Variants in IGFBP2 observed in about 807,000 individuals in gnomAD.
IGFBP2 encodes the protein insulin like growth factor binding protein 2.
A neutral mutation model predicts 26.2 loss-of-function variants in IGFBP2; 12 were observed. That is an observed-to-expected ratio of 0.46 (90% CI 0.29 to 0.74). The LOEUF (loss-of-function observed/expected upper bound fraction) is 0.74, where lower values mean the gene tolerates loss of function less well. Ranked by LOEUF, IGFBP2 falls within the 30% of genes least tolerant of loss-of-function variation. IGFBP2 has a pLI of 0.09. For synonymous variants in IGFBP2, 189 were observed against 200.6 expected (o/e 0.94, Z 0.49); for missense variants, 328 against 441.2 (o/e 0.74, Z 2.30).
At chr2:216,637,039 C>CAA (rs35364535) in intron 1 of IGFBP2, among the ~76,000 whole-genome samples, 3 of 149,514 alleles carry the variant, frequency 2.0e-5, no homozygotes, top group East Asian at 2.0e-4. Context: ...AGTGCAGCTT[C>CAA]AAAAAAAAAG....
chr2:216,658,574 G>A (rs1436557668), intron 1 of IGFBP2, among the ~76,000 whole-genome samples: 1 of 151,626 alleles, frequency 6.6e-6, no homozygotes, highest in Non-Finnish European at 1.5e-5. Flanking sequence ...TTTTGAGGCA[G>A]TGTCTTGCTC....
chr2:216,638,901 AGT>A (rs1056044412), intron 1 of IGFBP2, among the ~76,000 whole-genome samples: 11 of 149,692 alleles, frequency 7.3e-5, no homozygotes, highest in Admixed American at 2.7e-4. Flanking sequence ...GGGGTTTCAC[AGT>A]GTTAGCCAGG....
Position 216,660,545 on chromosome 2 carries a change from C to T in IGFBP2, c.443-12C>T. ...TGGACCTGGAGCTTTTCTTCCCTTC[C>T]TCTCTTGGCAGACAATGGCGATGAC... On this transcript the variant is annotated splice_polypyrimidine_tract_variant and intron_variant, in intron 1 of 3. Transcript: ENST00000233809. 1.9e-6 allele frequency: 3 copies of T among 1,578,354 alleles called. No homozygotes were observed. Among genetic ancestry groups the T allele is most frequent in the East Asian group, 2.2e-5 (1 of 44,488 alleles).
chr2:216,634,547 A>G (rs548338399), intron 1 of IGFBP2, among the ~76,000 whole-genome samples: 37 of 152,292 alleles, frequency 2.4e-4, no homozygotes, highest in South Asian at 6.2e-4. Context: ...CACCACTACT[A>G]TTTCTCCATA....
chr2:216,660,865 A>C, intron 2 of IGFBP2, 79 bp downstream of exon 2: 1 of 1,104,172 alleles, frequency 9.1e-7, no homozygotes, highest in South Asian at 1.4e-5. Flanking sequence ...GCATCCTAAT[A>C]AGACCCTCAT....
rs759607655 is a variant in IGFBP2, at chr2:216,664,027, C to T, written c.901C>T (p.Arg301Trp). The T allele has an allele frequency of 3.1e-6, 5 of 1,614,024 alleles. No individual in the cohort carries two copies. The highest frequency in any genetic ancestry group is 4.2e-6 in the Non-Finnish European group (5 of 1,179,976). ...GKLIQGAPTI[R>W]GDPECHLFYN... ...GCTGATCCAGGGAGCCCCCACCATCCGGGGGGACCCCGAGTGTCATCTCTT... is the reference window on the plus strand; with the variant it reads ...GCTGATCCAGGGAGCCCCCACCATCTGGGGGGACCCCGAGTGTCATCTCTT... The change falls in exon 4 of 4, where the codon CGG becomes TGG. Residue 301 changes from arginine to tryptophan, a missense_variant. Coordinates refer to ENST00000233809, the MANE Select transcript of IGFBP2 (RefSeq NM_000597.3). This position sits in a 1 kb window ranked among gnomAD's most constrained non-coding sequence, Gnocchi z 4.6.
chr2:216,633,514 G>A lies in IGFBP2; in HGVS notation c.-10G>A, dbSNP rs1697425284. The A allele has an allele frequency of 1.7e-5, 13 of 763,910 alleles. No homozygotes were observed. Among genetic ancestry groups the A allele is most frequent in the Non-Finnish European group, 2.1e-5 (13 of 625,564 alleles). The allele number at this position is 763,910 out of a possible 1,614,324, so 47.3% of individuals were successfully genotyped here. ...CGCTCGCCCGCCGCGCCGCGCTGCC[G>A]ACCGCCAGCATGCTGCCGAGAGTGG... On this transcript the variant is annotated 5_prime_UTR_variant, in exon 1 of 4. Coordinates refer to ENST00000233809, the MANE Select transcript of IGFBP2 (RefSeq NM_000597.3).
chr2:216,651,097 G>GA (rs929865455), intron 1 of IGFBP2, among the ~76,000 whole-genome samples: 50 of 150,722 alleles, frequency 3.3e-4, no homozygotes, highest in South Asian at 4.2e-4. Flanking sequence ...CTGACCTTTT[G>GA]AAAAAAAAAG....
At chr2:216,649,592 G>C (rs1358893268) in intron 1 of IGFBP2, among the ~76,000 whole-genome samples, 2 of 152,382 alleles carry the variant, frequency 1.3e-5, no homozygotes, top group East Asian at 3.9e-4. Flanking sequence ...GTGGAAAGGA[G>C]TGAAAGCTGA....
intron 1 of IGFBP2, 112 bp from the exon 2 acceptor site, chr2:216,660,445 T>C: frequency 1.4e-6 from 1 of 723,634 alleles, no homozygotes; most frequent in South Asian, 1.9e-5. Context: ...CAGCACTCAT[T>C]AGCCGCGCGT....
intron 1 of IGFBP2, among the ~76,000 whole-genome samples, chr2:216,648,243 C>T (rs573070900): frequency 4.6e-5 from 7 of 152,232 alleles, no homozygotes; most frequent in Non-Finnish European, 8.8e-5. Flanking sequence ...ACTCAGCACC[C>T]TCTGGCAGCA....
intron 1 of IGFBP2, among the ~76,000 whole-genome samples, chr2:216,640,114 C>G (rs1053234489): frequency 6.6e-6 from 1 of 152,132 alleles, no homozygotes; most frequent in East Asian, 1.9e-4. Context: ...TTTCCTACTC[C>G]GGCTCAGCTA....
intron 1 of IGFBP2, among the ~76,000 whole-genome samples, chr2:216,646,698 G>A (rs1697715757): frequency 6.6e-6 from 1 of 152,218 alleles, no homozygotes; most frequent in African/African-American, 2.4e-5. Flanking sequence ...AAGAGAGCTT[G>A]TGCAGGGAAA....
chr2:216,658,767 G>C (rs1697971094), intron 1 of IGFBP2, among the ~76,000 whole-genome samples: 3 of 151,846 alleles, frequency 2.0e-5, no homozygotes, highest in Non-Finnish European at 4.4e-5. Flanking sequence ...GGCCAGGCTG[G>C]TCTTGAATTC....
At chr2:216,642,068 C>T (rs1182551145) in intron 1 of IGFBP2, among the ~76,000 whole-genome samples, 3 of 150,124 alleles carry the variant, frequency 2.0e-5, no homozygotes, top group East Asian at 2.0e-4. Context: ...GGCACGATCT[C>T]GGCTCACTGC....
rs1442504938 is a variant in IGFBP2 at position 216,633,973 on chromosome 2, G to T, written c.442+8G>T. On this transcript the variant is annotated splice_region_variant and intron_variant, in intron 1 of 3. Coordinates refer to ENST00000233809, the MANE Select transcript of IGFBP2 (RefSeq NM_000597.3). ...GCCCGGAGCAGGTTGCAGGTAACGCGGTCTGGAACAAGTAGTTGGGAGAAA... is the reference window on the plus strand; with the variant it reads ...GCCCGGAGCAGGTTGCAGGTAACGCTGTCTGGAACAAGTAGTTGGGAGAAA... 2 of 1,592,200 alleles carry T rather than the reference G, an allele frequency of 1.3e-6. No individual in the cohort carries two copies. Among genetic ancestry groups the T allele is most frequent in the East Asian group, 4.6e-5 (2 of 43,840 alleles).
chr2:216,650,424 C>T (rs767085188), intron 1 of IGFBP2, among the ~76,000 whole-genome samples: 4 of 152,190 alleles, frequency 2.6e-5, no homozygotes, highest in Non-Finnish European at 5.9e-5. Flanking sequence ...GGCTTCGAAC[C>T]CAAAAGCTGG....
At chr2:216,634,729 G>C (rs188334780) in intron 1 of IGFBP2, among the ~76,000 whole-genome samples, 1 of 152,150 alleles carries the variant, frequency 6.6e-6, no homozygotes, top group East Asian at 1.9e-4. Context: ...GCCCCAGATC[G>C]AAAGGCAGGA....
intron 1 of IGFBP2, among the ~76,000 whole-genome samples, chr2:216,655,503 G>T (rs1173367128): frequency 2.6e-5 from 4 of 152,192 alleles, no homozygotes; most frequent in Non-Finnish European, 4.4e-5. Context: ...CCACGATTGT[G>T]AGTTTCCTGA....
Sources: gnomAD v4.1 joint callset for allele counts (sites outside exome capture counted in the v4.1 genomes callset) on GRCh38, gnomAD v4.1.1 for gene constraint, Gnocchi (gnomAD v3.1) non-coding constraint, MANE v1.5 for transcripts, NCBI Gene and HGNC (gene_info 2026-07-23, HGNC 2026-07-21) for gene names.